Variants in PTPRK observed in about 807,000 individuals in gnomAD.
PTPRK encodes protein tyrosine phosphatase receptor type K.
A neutral mutation model predicts 178.0 loss-of-function variants in PTPRK; 75 were observed. That is an observed-to-expected ratio of 0.42 (90% CI 0.35 to 0.51). PTPRK has a LOEUF of 0.51. PTPRK is among the 20% of genes least tolerant of loss of function. The pLI, the probability that PTPRK is intolerant of heterozygous loss-of-function variation, is 0.02. For synonymous variants in PTPRK, 637 were observed against 620.6 expected, an observed-to-expected ratio of 1.03 and a Z score of -0.39; for missense variants, 1,441 against 1,797.8, an observed-to-expected ratio of 0.80 and a Z score of 3.59.
intron 6 of PTPRK, among the ~76,000 whole-genome samples, chr6:128,212,306 T>C (rs943472285): frequency 3.3e-5 from 5 of 151,968 alleles, no homozygotes; most frequent in African/African-American, 9.7e-5. Context: ...CATTAAGAAC[T>C]CAATAAAGGC....
rs544522600 is a variant in PTPRK, at chr6:128,142,592, T to A, written c.1162+41840A>T. On this transcript the variant is annotated intron_variant, in intron 7 of 29. Transcript: ENST00000368226. ...CACACACGTGTGGTTTTCACAGACA[T>A]GTCTCCTCCAAATGCAAACATATTT... 2.6e-5 allele frequency among the ~76,000 whole-genome samples: 4 copies of A among 151,884 alleles called. No individual in the cohort carries two copies. In the South Asian group the frequency reaches 8.3e-4, roughly 31 times the overall value.
chr6:127,977,166 T>A, intron 25 of PTPRK, 112 bp from the exon 26 acceptor site: 2 of 1,059,250 alleles, frequency 1.9e-6, no homozygotes, highest in South Asian at 1.4e-5. Context: ...AATAGCTTCA[T>A]ATGCAGAAGG....
intron 13 of PTPRK, among the ~76,000 whole-genome samples, chr6:128,038,684 T>C (rs189199549): frequency 2.0e-4 from 30 of 152,300 alleles, no homozygotes; most frequent in Admixed American, 2.0e-3. Context: ...CTAAAGTATT[T>C]CCAGGCTTTT....
intron 3 of PTPRK, among the ~76,000 whole-genome samples, chr6:128,309,577 C>T (rs187023558): frequency 6.6e-6 from 1 of 152,224 alleles, no homozygotes; most frequent in Admixed American, 6.5e-5. Flanking sequence ...GGAGTTACTG[C>T]CGTCAAAGTC....
chr6:128,397,718 C>G (rs890706221), intron 1 of PTPRK, 30 bp from the exon 2 acceptor site: 3 of 1,606,024 alleles, frequency 1.9e-6, no homozygotes, highest in Admixed American at 3.4e-5. Flanking sequence ...CTGTTACATT[C>G]TAAACAGATT....
At position 128,520,535 on chromosome 6, in the gene PTPRK, C is replaced by G. The variant is rs959406470; in HGVS notation, c.-177G>C. On this transcript the variant is annotated 5_prime_UTR_variant, in exon 1 of 30. Transcript: ENST00000368226. Reference sequence around the variant, plus strand: ...CAAACTACCTCAGGGGCGAAAGCGTCGCCAGCGTCGCCGGCCGGCCGCGGC... The same window carrying G: ...CAAACTACCTCAGGGGCGAAAGCGTGGCCAGCGTCGCCGGCCGGCCGCGGC... 5.1e-6 allele frequency: 3 copies of G among 590,852 alleles called. No homozygotes were observed. The East Asian group carries it at 8.7e-5, about 17-fold the overall frequency. 36.6% of individuals were successfully genotyped at this position (590,852 alleles called of 1,614,324 possible). A position where few individuals can be genotyped will look rare whatever the true frequency, so the allele number is the denominator to read the frequency against.
intron 22 of PTPRK, 120 bp from the exon 23 acceptor site, chr6:127,983,497 C>T (rs1382173633): frequency 6.9e-6 from 7 of 1,018,084 alleles, no homozygotes; most frequent in Admixed American, 4.8e-5. Flanking sequence ...CTGCAAGGCA[C>T]AGCACTTGTC....
chr6:128,515,803 C>T (rs1857920428), intron 1 of PTPRK, among the ~76,000 whole-genome samples: 1 of 152,164 alleles, frequency 6.6e-6, no homozygotes, highest in Non-Finnish European at 1.5e-5. Flanking sequence ...ATCTCTCTTC[C>T]TGCACTCCAT....
chr6:128,256,754 A>G (rs941057928), intron 3 of PTPRK, among the ~76,000 whole-genome samples: 1 of 152,002 alleles, frequency 6.6e-6, no homozygotes, highest in African/African-American at 2.4e-5. Context: ...ACTATTTTCT[A>G]TCTGGGAAAG....
chr6:128,441,390 T>C (rs1846261398), intron 1 of PTPRK, among the ~76,000 whole-genome samples: 1 of 151,924 alleles, frequency 6.6e-6, no homozygotes. Context: ...TGGGCAAAAG[T>C]AAGCAACAAA....
intron 3 of PTPRK, among the ~76,000 whole-genome samples, chr6:128,305,526 AAC>A (rs752947533): frequency 2.0e-5 from 3 of 152,218 alleles, no homozygotes; most frequent in East Asian, 3.8e-4. Context: ...AAAGTCAAGA[AAC>A]ACACAAAAAG....
intron 7 of PTPRK, among the ~76,000 whole-genome samples, chr6:128,146,047 C>A (rs1796439443): frequency 6.6e-6 from 1 of 152,142 alleles, no homozygotes; most frequent in Non-Finnish European, 1.5e-5. Flanking sequence ...AGGTGTAGTA[C>A]CCTAGACAGC....
At chr6:128,247,700 G>T (rs957218918) in intron 3 of PTPRK, among the ~76,000 whole-genome samples, 1 of 152,048 alleles carries the variant, frequency 6.6e-6, no homozygotes, top group Non-Finnish European at 1.5e-5. Flanking sequence ...AAGTTTATAG[G>T]GAAGATTAAA....
chr6:128,185,371 C>T (rs1441651808), intron 6 of PTPRK, among the ~76,000 whole-genome samples: 1 of 152,080 alleles, frequency 6.6e-6, no homozygotes, highest in Non-Finnish European at 1.5e-5. Context: ...TTTTGGATAT[C>T]TTAAGATATT....
At chr6:128,206,197 T>C (rs1013884661) in intron 6 of PTPRK, among the ~76,000 whole-genome samples, 3 of 151,858 alleles carry the variant, frequency 2.0e-5, no homozygotes, top group African/African-American at 7.2e-5. Flanking sequence ...ATATAGGGTT[T>C]TTATGTCAAT....
chr6:128,260,185 T>A (rs1856497), intron 3 of PTPRK, among the ~76,000 whole-genome samples: 2,745 of 152,184 alleles, frequency 0.018, 65 homozygotes, highest in East Asian at 0.037. Context: ...AAATATATTT[T>A]TTTTTATTCT....
intron 5 of PTPRK, among the ~76,000 whole-genome samples, chr6:128,237,163 A>G (rs926569404): frequency 1.3e-5 from 2 of 152,254 alleles, no homozygotes; most frequent in Admixed American, 1.3e-4. Context: ...TTTGAAATAG[A>G]AAATTGGCTG....
At chr6:128,354,231 G>GTTGTTTTTTT (rs1833609723) in intron 2 of PTPRK, among the ~76,000 whole-genome samples, 5 of 49,358 alleles carry the variant, frequency 1.0e-4, no homozygotes. Flanking sequence ...TTTTGTTTAT[G>GTTGTTTTTTT]TTTTTTTTTT....
intron 6 of PTPRK, among the ~76,000 whole-genome samples, chr6:128,186,004 A>G (rs1236297459): frequency 6.6e-6 from 1 of 152,146 alleles, no homozygotes; most frequent in Non-Finnish European, 1.5e-5. Context: ...AAGCCTCTGA[A>G]TTACAAATAA....
Sources: gnomAD v4.1 joint callset for allele counts (sites outside exome capture counted in the v4.1 genomes callset) on GRCh38, gnomAD v4.1.1 for gene constraint, MANE v1.5 for transcripts, NCBI Gene and HGNC (gene_info 2026-07-23, HGNC 2026-07-21) for gene names.